Variants in REM1 observed in about 807,000 individuals in gnomAD.
REM1 encodes the protein GTP-binding protein REM 1.
A neutral mutation model predicts 27.0 loss-of-function variants in REM1; 20 were observed. The observed-to-expected ratio is 0.74, with a 90% CI of 0.52 to 1.08. REM1 has a LOEUF of 1.08. Ranked by LOEUF, REM1 falls within the 50% of genes least tolerant of loss-of-function variation. REM1 has a pLI of 0.00. For missense variants in REM1, 405 were observed against 407.0 expected (o/e 1.00, Z 0.04); for synonymous variants, 159 against 167.9 (o/e 0.95, Z 0.41).
At chr20:31,478,076 A>G (rs1980588442) in intron 3 of REM1, among the ~76,000 whole-genome samples, 166 bp downstream of exon 3, 1 of 151,844 alleles carries the variant, frequency 6.6e-6, no homozygotes, top group African/African-American at 2.4e-5. Flanking sequence ...TCCCAAACAG[A>G]AGACCCTTAT....
intron 3 of REM1, among the ~76,000 whole-genome samples, chr20:31,481,099 C>G (rs1980714230): frequency 6.6e-6 from 1 of 152,064 alleles, no homozygotes; most frequent in African/African-American, 2.4e-5. Flanking sequence ...TCGTGAAACC[C>G]CGTCTCTACC....
At chr20:31,480,262 C>G (rs1280963222) in intron 3 of REM1, among the ~76,000 whole-genome samples, 25 of 151,694 alleles carry the variant, frequency 1.6e-4, no homozygotes, top group Admixed American at 7.2e-4. Context: ...TACATACATA[C>G]ATACATACAT....
chr20:31,480,886 C>A (rs1980706576), intron 3 of REM1, among the ~76,000 whole-genome samples: 1 of 152,196 alleles, frequency 6.6e-6, no homozygotes, highest in Non-Finnish European at 1.5e-5. Context: ...ATCAGTATGG[C>A]TGTTGAGAAC....
At chr20:31,478,000 G>T in intron 3 of REM1, 90 bp downstream of exon 3, 1 of 810,980 alleles carries the variant, frequency 1.2e-6, no homozygotes, top group South Asian at 1.5e-5. Context: ...CTACAGATCA[G>T]GTGTGAGCAA....
At chr20:31,480,254 CAT>C (rs1568762910) in intron 3 of REM1, among the ~76,000 whole-genome samples, 6 of 150,732 alleles carry the variant, frequency 4.0e-5, no homozygotes, top group Middle Eastern at 3.2e-3. Context: ...TACACACATA[CAT>C]ACATACATAC....
Position 31,477,837 on chromosome 20 carries a change from A to G in REM1, c.350A>G (p.Tyr117Cys), listed in dbSNP as rs200953766. The G allele has an allele frequency of 1.9e-4, 300 of 1,612,696 alleles. 4 individuals carry two copies. The East Asian group carries it at 6.6e-3, about 35-fold the overall frequency. ...CTTCCCTCGGTTGCAGAAGATGTAT[A>G]TGAGAGGACCCTCACGGTGGATGGA... ...DLHEQLGEDV[Y>C]ERTLTVDGED... Residue 117 changes from tyrosine to cysteine, a missense_variant, in exon 3 of 5, where the codon TAT becomes TGT. Transcript: ENST00000201979.
In REM1 at chr20:31,484,689, T is replaced by C; in HGVS notation, c.*259T>C. 1 of 484,402 alleles carries C rather than the reference T, an allele frequency of 2.1e-6. No individual in the cohort carries two copies. The highest frequency in any genetic ancestry group is 3.6e-6 in the Non-Finnish European group (1 of 280,572). The allele number at this position is 484,402 out of a possible 1,614,324, so 30.0% of individuals were successfully genotyped here. Reference sequence around the variant, plus strand: ...TGGTGGGTGTCTTTTTGTAAAAAAATCTTCCTTGTCCCTGGGCTCTGGCCA... The same window carrying C: ...TGGTGGGTGTCTTTTTGTAAAAAAACCTTCCTTGTCCCTGGGCTCTGGCCA... On this transcript the variant is annotated 3_prime_UTR_variant, in exon 5 of 5. Coordinates refer to ENST00000201979, the MANE Select transcript of REM1 (RefSeq NM_014012.6).
In REM1 at chr20:31,484,210, C is replaced by T; in HGVS notation, c.677C>T (p.Ala226Val). The part of the protein sequence containing the change: ...VFDCKFIETS[A>V]TLQHNVAELF... ...GACTGTAAATTCATCGAGACATCCG[C>T]CACGCTGCAGCACAATGTGGCCGAG... is the stretch of plus-strand genomic sequence containing the variant. The change falls in exon 5 of 5, where the codon GCC becomes GTC. Residue 226 changes from alanine to valine, a missense_variant. By Grantham distance (64) the Ala-to-Val change is moderately conservative. Transcript: ENST00000201979. 4 of 1,608,546 alleles carry T rather than the reference C, an allele frequency of 2.5e-6. No homozygotes were observed. Among genetic ancestry groups the T allele is most frequent in the Non-Finnish European group, 3.4e-6 (4 of 1,177,870 alleles).
Position 31,482,414 on chromosome 20 carries a change from A to C in REM1, c.551A>C (p.Gln184Pro), listed in dbSNP as rs1332525186. The C allele has an allele frequency of 6.2e-7, 1 of 1,614,146 alleles. No homozygotes were observed. Among genetic ancestry groups the C allele is most frequent in the Admixed American group, 1.7e-5 (1 of 60,026 alleles). ...ELRIQLRRTH[Q>P]ADHVPIILVG... Reference sequence around the variant, plus strand: ...CGCATCCAGCTGCGGCGCACACATCAGGCAGACCATGTGCCCATCATCCTC... The same window carrying C: ...CGCATCCAGCTGCGGCGCACACATCCGGCAGACCATGTGCCCATCATCCTC... The change falls in exon 4 of 5, where the codon CAG becomes CCG. Residue 184 changes from glutamine (Q) to proline (P), a missense_variant. Gln to Pro is a moderately conservative substitution (Grantham distance 76). Coordinates refer to ENST00000201979, the MANE Select transcript of REM1 (RefSeq NM_014012.6).
chr20:31,478,553 G>T (rs717064), intron 3 of REM1, among the ~76,000 whole-genome samples: 39,563 of 152,090 alleles, frequency 0.26, 8,437 homozygotes, highest in African/African-American at 0.59. Context: ...GATTTTATCT[G>T]GTTTGTGTTT....
chr20:31,483,683 G>A (rs1191133903), intron 4 of REM1, among the ~76,000 whole-genome samples: 1 of 150,618 alleles, frequency 6.6e-6, no homozygotes, highest in Non-Finnish European at 1.5e-5. Flanking sequence ...AAAGGAAAAA[G>A]CTAGTTTCAC....
At chr20:31,481,700 C>A (rs1427035756) in intron 3 of REM1, among the ~76,000 whole-genome samples, 4 of 152,180 alleles carry the variant, frequency 2.6e-5, no homozygotes, top group Non-Finnish European at 4.4e-5. Flanking sequence ...CACTGCAGTT[C>A]TTTCTTTTTC....
At chr20:31,478,162 T>C (rs1980592368) in intron 3 of REM1, among the ~76,000 whole-genome samples, 1 of 151,980 alleles carries the variant, frequency 6.6e-6, no homozygotes, top group South Asian at 2.1e-4. Flanking sequence ...CCTGCAGATC[T>C]CCCCATCATT....
intron 1 of REM1, 27 bp from the exon 2 acceptor site, chr20:31,476,200 A>G (rs1342771568): frequency 3.9e-6 from 2 of 519,298 alleles, no homozygotes; most frequent in African/African-American, 3.8e-5. Flanking sequence ...CACAGCCTGC[A>G]CACTCACTCC....
At position 31,484,196 on chromosome 20, in the gene REM1, C is replaced by T; in HGVS notation, c.663C>T (p.Phe221=). Residue 221 remains phenylalanine (F), a synonymous_variant, in exon 5 of 5, where the codon TTC becomes TTT. Transcript: ENST00000201979. The stretch of plus-strand genomic sequence containing the variant: ...GCGCTGTGGTGTTCGACTGTAAATT[C>T]ATCGAGACATCCGCCACGCTGCAGC... ...RACAVVFDCK[F]IETSATLQHN... is the part of the protein sequence containing the mutation. 6.2e-7 allele frequency: 1 copy of T among 1,607,170 alleles called. No individual in the cohort carries two copies. Among genetic ancestry groups the T allele is most frequent in the Non-Finnish European group, 8.5e-7 (1 of 1,176,836 alleles).
chr20:31,481,573 A>G (rs933657791), intron 3 of REM1, among the ~76,000 whole-genome samples: 1 of 152,156 alleles, frequency 6.6e-6, no homozygotes, highest in Non-Finnish European at 1.5e-5. Flanking sequence ...CTTCCAGACC[A>G]TGAGCTTTTG....
At position 31,484,448 on chromosome 20, in the gene REM1, A is replaced by T. The variant is rs751372348; in HGVS notation, c.*18A>T. On this transcript the variant is annotated 3_prime_UTR_variant, in exon 5 of 5. Transcript: ENST00000201979. The stretch of plus-strand genomic sequence containing the variant: ...TGCTCTGAAGCCCCCCGCCCTTCTG[A>T]GAGTTGGCGGGTCACTGAGGTGCAT... The T allele has an allele frequency of 6.8e-7, 1 of 1,466,406 alleles. No homozygotes were observed. Among genetic ancestry groups the T allele is most frequent in the East Asian group, 2.5e-5 (1 of 39,512 alleles). 90.8% of individuals were successfully genotyped at this position (1,466,406 alleles called of 1,614,324 possible). A position where few individuals can be genotyped will look rare whatever the true frequency, so the allele number is the denominator to read the frequency against.
chr20:31,478,660 A>G (rs1048732745), intron 3 of REM1, among the ~76,000 whole-genome samples: 1 of 152,042 alleles, frequency 6.6e-6, no homozygotes, highest in Admixed American at 6.6e-5. Context: ...CTGGGATCCC[A>G]TCTCTCTAGG....
In REM1 at chr20:31,476,432, C is replaced by G. The variant is rs755906163; in HGVS notation, c.-14C>G. 7 of 1,542,838 alleles carry G rather than the reference C, an allele frequency of 4.5e-6. No homozygotes were observed. The highest frequency in any genetic ancestry group is 1.3e-5 in the South Asian group (1 of 79,578). ...GAAGGAAAGAAGGAAGAAGCAAACC[C>G]CCCCCTACCAAAGATGACACTCAAC... On this transcript the variant is annotated 5_prime_UTR_variant, in exon 2 of 5. Coordinates refer to ENST00000201979, the MANE Select transcript of REM1 (RefSeq NM_014012.6).
Sources: allele counts gnomAD v4.1 joint callset (sites outside exome capture counted in the v4.1 genomes callset), GRCh38; gene constraint gnomAD v4.1.1; transcripts MANE v1.5; gene names NCBI Gene and HGNC (gene_info 2026-07-23, HGNC 2026-07-21).